SPATA4: variants seen among roughly 807,000 people sequenced by gnomAD.
SPATA4 encodes the protein spermatogenesis associated 4.
A neutral mutation model predicts 31.8 loss-of-function variants in SPATA4; 35 were observed. The observed-to-expected ratio is 1.10, with a 90% CI of 0.84 to 1.46. SPATA4 has a LOEUF of 1.46. SPATA4 is among the 40% of genes most tolerant of loss of function. The pLI, the probability that SPATA4 is intolerant of heterozygous loss-of-function variation, is 0.00. For missense variants in SPATA4, 394 were observed against 363.1 expected, an observed-to-expected ratio of 1.09 and a Z score of -0.69; for synonymous variants, 126 against 132.4, an observed-to-expected ratio of 0.95 and a Z score of 0.33.
chr4:176,195,548 G>A lies in SPATA4; in HGVS notation c.15C>T (p.Gly5=), dbSNP rs369666579. 2.5e-6 allele frequency: 4 copies of A among 1,613,926 alleles called. No individual in the cohort carries two copies. The highest frequency in any genetic ancestry group is 2.7e-5 in the African/African-American group (2 of 74,928). The change falls in exon 1 of 6, where the codon GGC becomes GGT. Residue 5 remains glycine, a synonymous_variant. Coordinates refer to ENST00000280191, the MANE Select transcript of SPATA4 (RefSeq NM_144644.4). MAAA[G]QEKGYLTQTA... ...TCTGTGTCAAATACCCTTTTTCCTG[G>A]CCGGCGGCAGCCATGACGCTTTCTG...
chr4:176,185,869 C>T (rs1326841904), intron 5 of SPATA4, among the ~76,000 whole-genome samples: 2 of 152,128 alleles, frequency 1.3e-5, no homozygotes, highest in Non-Finnish European at 2.9e-5. Flanking sequence ...TCTACCTTGT[C>T]CAATGAAGGC....
At chr4:176,186,705 A>G (rs1752445824) in intron 5 of SPATA4, among the ~76,000 whole-genome samples, 1 of 152,218 alleles carries the variant, frequency 6.6e-6, no homozygotes, top group Non-Finnish European at 1.5e-5. Flanking sequence ...AAGGCCACCA[A>G]ACAAAGCAAA....
chr4:176,186,831 T>C (rs536198742), intron 5 of SPATA4, among the ~76,000 whole-genome samples: 1 of 152,162 alleles, frequency 6.6e-6, no homozygotes, highest in Admixed American at 6.5e-5. Flanking sequence ...ATCATGGTTT[T>C]TTTTTGTTTT....
At chr4:176,188,735 T>C (rs1241351712) in intron 4 of SPATA4, among the ~76,000 whole-genome samples, 1 of 152,248 alleles carries the variant, frequency 6.6e-6, no homozygotes, top group African/African-American at 2.4e-5. Flanking sequence ...CACATATTTG[T>C]GAATTAAAAT....
At chr4:176,195,221 G>A in intron 1 of SPATA4, 124 bp downstream of exon 1, 1 of 782,102 alleles carries the variant, frequency 1.3e-6, no homozygotes, top group Non-Finnish European at 2.1e-6. Context: ...GTGTGTGTAC[G>A]TGGGTGGGGG....
chr4:176,192,221 A>G (rs936308189), intron 4 of SPATA4, among the ~76,000 whole-genome samples: 4 of 152,196 alleles, frequency 2.6e-5, no homozygotes, highest in African/African-American at 7.2e-5. Flanking sequence ...CAAGCCTACT[A>G]TGGAAAGGAT....
chr4:176,193,572 T>C lies in SPATA4; in HGVS notation c.229A>G (p.Asn77Asp). The change falls in exon 2 of 6, where the codon AAT becomes GAT. Residue 77 changes from asparagine to aspartate, a missense_variant. Physicochemically the swap from Asn to Asp is conservative, Grantham distance 23. Coordinates refer to ENST00000280191, the MANE Select transcript of SPATA4 (RefSeq NM_144644.4). The part of the protein sequence containing the change: ...FPRNINRDFS[N>D]GFLIAEIFCI... The stretch of plus-strand genomic sequence containing the variant: ...AATATTTCTGCAATTAGGAAGCCAT[T>C]TGAAAAATCTCTGATCCGTGGCAAT... 1 of 1,607,116 alleles carries C rather than the reference T, an allele frequency of 6.2e-7. No individual in the cohort carries two copies. Among genetic ancestry groups the C allele is most frequent in the Non-Finnish European group, 8.5e-7 (1 of 1,178,516 alleles).
chr4:176,191,854 G>C (rs1579295692), intron 4 of SPATA4, among the ~76,000 whole-genome samples: 1 of 152,176 alleles, frequency 6.6e-6, no homozygotes, highest in Admixed American at 6.5e-5. Flanking sequence ...TTTCCTCTCT[G>C]GCTAGAAACC....
At chr4:176,192,546 G>T in intron 4 of SPATA4, 81 bp downstream of exon 4, 1 of 1,187,956 alleles carries the variant, frequency 8.4e-7, no homozygotes, top group Non-Finnish European at 1.2e-6. Context: ...AAATGGGCCA[G>T]TGCCGACATT....
rs1752572420 is a variant in SPATA4, at chr4:176,193,906, C to T, written c.219-324G>A. 4.0e-5 allele frequency: 7 copies of T among 175,114 alleles called. No homozygotes were observed. In the South Asian group the frequency reaches 1.2e-3, roughly 30 times the overall value. The allele number at this position is 175,114 out of a possible 1,614,324, so 10.8% of individuals were successfully genotyped here. A position where few individuals can be genotyped will look rare whatever the true frequency, so the allele number is the denominator to read the frequency against. On this transcript the variant is annotated intron_variant, in intron 1 of 5. Transcript: ENST00000280191. ...ACTGAAGACAAATTAGTAAACTAGT[C>T]CCCCGCTTATCTGCAGTTTTGCTTT...
rs779219655 is a variant in SPATA4, at chr4:176,192,765, C to T, written c.550G>A (p.Val184Ile). Residue 184 changes from valine to isoleucine, a missense_variant, in exon 4 of 6, where the codon GTT becomes ATT. Val to Ile is a conservative substitution (Grantham distance 29). Coordinates refer to ENST00000280191, the MANE Select transcript of SPATA4 (RefSeq NM_144644.4). ...ATGTTATCTTTAATAGACTTCGAAA[C>T]TGTAGACCTGGAAACCAGGGGTAAA... Reference protein sequence around the residue: ...MRLPLVSRSTVSKSIKDNIRL... With the variant: ...MRLPLVSRSTISKSIKDNIRL... The T allele has an allele frequency of 8.7e-6, 14 of 1,614,114 alleles. No individual in the cohort carries two copies. In the South Asian group the frequency reaches 1.4e-4, roughly 16 times the overall value.
At chr4:176,187,461 C>T (rs141865726) in intron 5 of SPATA4, among the ~76,000 whole-genome samples, 42 of 152,040 alleles carry the variant, frequency 2.8e-4, no homozygotes, top group African/African-American at 8.7e-4. Context: ...AAAAATTAGC[C>T]AGGCGTGGCA....
chr4:176,195,517 C>A lies in SPATA4; in HGVS notation c.46G>T (p.Ala16Ser), dbSNP rs1407021364. Residue 16 changes from alanine (A) to serine (S), a missense_variant, in exon 1 of 6, where the codon GCA (alanine) becomes TCA (serine). By Grantham distance (99) the Ala-to-Ser change is moderately conservative (BLOSUM62 1). Coordinates refer to ENST00000280191, the MANE Select transcript of SPATA4 (RefSeq NM_144644.4). The part of the protein sequence containing the change: ...QEKGYLTQTA[A>S]ALDKSPSLSP... ...AGTGACGGTGACTTGTCTAGGGCTG[C>A]CGCAGTCTGTGTCAAATACCCTTTT... 3.7e-6 allele frequency: 6 copies of A among 1,614,128 alleles called. No individual in the cohort carries two copies. Among genetic ancestry groups the A allele is most frequent in the African/African-American group, 1.3e-5 (1 of 74,942 alleles).
rs1389802617 is a variant in SPATA4 at position 176,195,459 on chromosome 4, C to A, written c.104G>T (p.Arg35Met). Reference sequence around the variant, plus strand: ...CGGATAGACCAGACACTTCTTAGGCCTCCCTCGGATGGGAGCTGCTAGCTG... The same window carrying A: ...CGGATAGACCAGACACTTCTTAGGCATCCCTCGGATGGGAGCTGCTAGCTG... ...SPQLAAPIRG[R>M]PKKCLVYPHA... The change falls in exon 1 of 6, where the codon AGG (arginine) becomes ATG (methionine). Residue 35 changes from arginine (R) to methionine (M), a missense_variant. Coordinates refer to ENST00000280191, the MANE Select transcript of SPATA4 (RefSeq NM_144644.4). 1 of 1,614,262 alleles carries A rather than the reference C, an allele frequency of 6.2e-7. No homozygotes were observed. Among genetic ancestry groups the A allele is most frequent in the Non-Finnish European group, 8.5e-7 (1 of 1,180,046 alleles).
At chr4:176,184,921 A>G in intron 5 of SPATA4, 29 bp from the exon 6 acceptor site, 1 of 1,354,260 alleles carries the variant, frequency 7.4e-7, no homozygotes. Flanking sequence ...CAAAATTAAA[A>G]TCAATTCATG....
chr4:176,195,365 G>A lies in SPATA4; in HGVS notation c.198C>T (p.Phe66=). The A allele has an allele frequency of 6.2e-7, 1 of 1,614,172 alleles. No individual in the cohort carries two copies. The highest frequency in any genetic ancestry group is 8.5e-7 in the Non-Finnish European group (1 of 1,180,040). Residue 66 remains phenylalanine (F), a synonymous_variant, in exon 1 of 6, where the codon TTC becomes TTT. Coordinates refer to ENST00000280191, the MANE Select transcript of SPATA4 (RefSeq NM_144644.4). Reference sequence around the variant, plus strand: ...AGCACCTGTTGATGTTCCTGGGGAAGAAGCTGAGATCCAGACCCTGAAGCC... The same window carrying A: ...AGCACCTGTTGATGTTCCTGGGGAAAAAGCTGAGATCCAGACCCTGAAGCC... ...LRWLQGLDLS[F]FPRNINRDFS... is the part of the protein sequence containing the mutation.
rs556450178 is a variant in SPATA4 at position 176,195,066 on chromosome 4, T to C, written c.218+279A>G. 4.5e-4 allele frequency among the ~76,000 whole-genome samples: 68 copies of C among 152,274 alleles called. 3 individuals are homozygous for C. The Middle Eastern group carries it at 0.02, about 46-fold the overall frequency. On this transcript the variant is annotated intron_variant, in intron 1 of 5. Transcript: ENST00000280191. ...TACCAGTATTAATGCCCAATATCAC[T>C]AAAGAAAAAGCTTTGACTATTTTAA...
rs1019651860 is a variant in SPATA4 at position 176,193,515 on chromosome 4, A to C, written c.286T>G (p.Ser96Ala). The C allele has an allele frequency of 6.2e-7, 1 of 1,613,826 alleles. No individual in the cohort carries two copies. Among genetic ancestry groups the C allele is most frequent in the Non-Finnish European group, 8.5e-7 (1 of 1,179,950 alleles). The change falls in exon 2 of 6, where the codon TCA becomes GCA. Residue 96 changes from serine to alanine, a missense_variant. Ser to Ala is a moderately conservative substitution (Grantham distance 99). Coordinates refer to ENST00000280191, the MANE Select transcript of SPATA4 (RefSeq NM_144644.4). ...CIYYPWELEL[S>A]SFENGTSLKV... is the part of the protein sequence containing the mutation. ...AAAGAGGTCCCGTTTTCAAAGGATG[A>C]TAATTCAAGTTCCCAGGGGTAATAT...
At chr4:176,192,509 C>T (rs967533474) in intron 4 of SPATA4, 118 bp downstream of exon 4, 1 of 745,786 alleles carries the variant, frequency 1.3e-6, no homozygotes, top group African/African-American at 1.8e-5. Flanking sequence ...AAGTAATTTC[C>T]CTTTAAACCA....
Sources: allele counts gnomAD v4.1 joint callset (sites outside exome capture counted in the v4.1 genomes callset), GRCh38; gene constraint gnomAD v4.1.1; transcripts MANE v1.5; gene names NCBI Gene and HGNC (gene_info 2026-07-23, HGNC 2026-07-21).